The following CARD9 variants were observed in gnomAD, a reference collection of about 807,000 sequenced individuals.
CARD9 encodes the protein caspase recruitment domain-containing protein 9.
CARD9 carries 53 observed loss-of-function variants against 66.0 expected under a neutral mutation model. The ratio of observed to expected loss-of-function variants is 0.80; its 90% CI spans 0.64 to 1.01. CARD9 has a LOEUF of 1.01. Among genes scored for constraint, CARD9 ranks in the 50% least tolerant of loss-of-function variants. The pLI, the probability that CARD9 is intolerant of heterozygous loss-of-function variation, is 0.00. For missense variants in CARD9, 769 were observed against 743.2 expected (o/e 1.03, Z -0.40); for synonymous variants, 387 against 313.8 (o/e 1.23, Z -2.47).
chr9:136,365,348 G>T, intron 10 of CARD9, 131 bp from the exon 11 acceptor site: 1 of 801,648 alleles, frequency 1.2e-6, no homozygotes, highest in Non-Finnish European at 2.1e-6. Context: ...CATGGGTCCA[G>T]TGTAGACTCT....
At chr9:136,366,625 T>G (rs1161718540) in intron 10 of CARD9, 175 bp downstream of exon 10, 2 of 705,686 alleles carry the variant, frequency 2.8e-6, no homozygotes, top group African/African-American at 3.5e-5. Context: ...GCTCTGTAGT[T>G]TGTTCTCTAG....
intron 11 of CARD9, 141 bp from the exon 12 acceptor site, chr9:136,364,700 T>C (rs961304855): frequency 1.7e-5 from 14 of 812,352 alleles, no homozygotes; most frequent in Admixed American, 1.6e-4. Flanking sequence ...CGCCAAGCTC[T>C]CCCTGTGGGA....
intron 7 of CARD9, among the ~76,000 whole-genome samples, chr9:136,368,466 G>A (rs1426437250): frequency 6.6e-6 from 1 of 152,226 alleles, no homozygotes; most frequent in Non-Finnish European, 1.5e-5. Context: ...GCTGAGGTGG[G>A]GCTGAGACAG....
intron 11 of CARD9, chr9:136,364,863 T>C: frequency 1.7e-6 from 1 of 595,104 alleles, no homozygotes; most frequent in Non-Finnish European, 3.0e-6. Flanking sequence ...AGGACTCCTG[T>C]GTTCACCTCC....
In CARD9 at chr9:136,370,551, G is replaced by A. The variant is rs148681933; in HGVS notation, c.778C>T (p.Arg260Trp). ...LQQEKALLQARVQELEASVQE... is the reference protein window; with the variant it reads ...LQQEKALLQAWVQELEASVQE... Reference sequence around the variant, plus strand: ...ACGGAGGCCTCCAGCTCCTGCACCCGGGCCTGGAGCAGGGCCTTCTCCTGC... The same window carrying A: ...ACGGAGGCCTCCAGCTCCTGCACCCAGGCCTGGAGCAGGGCCTTCTCCTGC... The change falls in exon 5 of 13, where the codon CGG becomes TGG. Residue 260 changes from arginine to tryptophan, a missense_variant. Coordinates refer to ENST00000371732, the MANE Select transcript of CARD9 (RefSeq NM_052813.5). The A allele has an allele frequency of 2.1e-5, 34 of 1,606,560 alleles. No homozygotes were observed. The highest frequency in any genetic ancestry group is 1.0e-4 in the South Asian group (9 of 90,434).
chr9:136,364,087 G>A lies in CARD9; in HGVS notation c.*215C>T, dbSNP rs1319724097. 6.5e-7 allele frequency: 1 copy of A among 1,550,296 alleles called. No homozygotes were observed. The highest frequency in any genetic ancestry group is 8.7e-7 in the Non-Finnish European group (1 of 1,146,686). On this transcript the variant is annotated 3_prime_UTR_variant, in exon 13 of 13. Transcript: ENST00000371732. ...ACACAGATGGCGTGTGCATGGGGGTGGTGAGCACCCGCATGGCCTCCGCAA... is the reference window on the plus strand; with the variant it reads ...ACACAGATGGCGTGTGCATGGGGGTAGTGAGCACCCGCATGGCCTCCGCAA...
intron 10 of CARD9, 156 bp from the exon 11 acceptor site, chr9:136,365,373 AGACTGAGGCCTTATG>A (rs1833098646): frequency 4.4e-6 from 3 of 681,186 alleles, no homozygotes; most frequent in Non-Finnish European, 7.6e-6. Context: ...TCTGTAGATG[AGACTGAGGCCTTATG>A]GCCTCGCTTG....
intron 2 of CARD9, 99 bp from the exon 3 acceptor site, chr9:136,371,560 A>G: frequency 6.7e-7 from 1 of 1,493,982 alleles, no homozygotes; most frequent in Non-Finnish European, 9.0e-7. Flanking sequence ...GCTGGCATGC[A>G]GATGAGGTGT....
rs377431254 is a variant in CARD9, at chr9:136,372,042, C to T, written c.37G>A (p.Val13Ile). 13 of 1,612,664 alleles carry T rather than the reference C, an allele frequency of 8.1e-6. No homozygotes were observed. The highest frequency in any genetic ancestry group is 2.2e-5 in the East Asian group (1 of 44,888). Residue 13 changes from valine (V) to isoleucine (I), a missense_variant, in exon 2 of 13, where the codon GTC (valine) becomes ATC (isoleucine). By Grantham distance (29) the Val-to-Ile change is conservative. Transcript: ENST00000371732. ...DYENDDECWS[V>I]LEGFRVTLTS... ...AGCGTCACCCGGAAGCCCTCCAGGACGCTCCAGCACTCGTCATCGTTCTCG... is the reference window on the plus strand; with the variant it reads ...AGCGTCACCCGGAAGCCCTCCAGGATGCTCCAGCACTCGTCATCGTTCTCG...
In CARD9 at chr9:136,371,036, G is replaced by A. The variant is rs1274150394; in HGVS notation, c.432C>T (p.Ile144=). The A allele has an allele frequency of 1.2e-6, 2 of 1,612,288 alleles. No individual in the cohort carries two copies. The highest frequency in any genetic ancestry group is 1.7e-6 in the Non-Finnish European group (2 of 1,179,822). Residue 144 remains isoleucine, a synonymous_variant, in exon 4 of 13, where the codon ATC becomes ATT. Transcript: ENST00000371732. ...GGCTGTCCTTCACCCGCAGCTCCTT[G>A]ATGAAGTCATCTTTGGAGCTCAGCA... ...TALLSSKDDF[I]KELRVKDSLL... is the part of the protein sequence containing the mutation.
Position 136,367,959 on chromosome 9 carries a change from C to T in CARD9, c.1078-131G>A. The T allele has an allele frequency of 2.8e-6, 4 of 1,441,910 alleles. No individual in the cohort carries two copies. In the South Asian group the frequency reaches 4.3e-5, roughly 16 times the overall value. The allele number at this position is 1,441,910 out of a possible 1,614,324, so 89.3% of individuals were successfully genotyped here. On this transcript the variant is annotated intron_variant, in intron 7 of 12. Coordinates refer to ENST00000371732, the MANE Select transcript of CARD9 (RefSeq NM_052813.5). ...CGCTGGGCGCGGAGGCTGGTCACAG[C>T]CCCTCCATTTGTGTGCTCTGCGGAC...
rs2131441744 is a variant in CARD9 at position 136,369,769 on chromosome 9, ACCT to A, written c.1055_1057del (p.Glu352del). 6.2e-7 allele frequency: 1 copy of A among 1,607,490 alleles called. No individual in the cohort carries two copies. Among genetic ancestry groups the A allele is most frequent in the Non-Finnish European group, 8.5e-7 (1 of 1,177,726 alleles). Reference sequence around the variant, plus strand: ...GCCCACCTGGTCCCGCTCAATGGCGACCTCCTCCATCTGCAGCAGGATGGCCTC... The same window carrying A: ...GCCCACCTGGTCCCGCTCAATGGCGACCTCCATCTGCAGCAGGATGGCCTC... On this transcript the variant is annotated inframe_deletion, in exon 7 of 13. Transcript: ENST00000371732.
chr9:136,364,247 G>A lies in CARD9; in HGVS notation c.*55C>T. The A allele has an allele frequency of 6.4e-7, 1 of 1,550,434 alleles. No homozygotes were observed. The highest frequency in any genetic ancestry group is 2.0e-5 in the Admixed American group (1 of 50,994). On this transcript the variant is annotated 3_prime_UTR_variant, in exon 13 of 13. Coordinates refer to ENST00000371732, the MANE Select transcript of CARD9 (RefSeq NM_052813.5). ...CGCCCCAGGGCGTCGGCACCCCCGG[G>A]TGGCAGGAGGCCGGGCCGGTGGGTG...
Position 136,366,702 on chromosome 9 carries a change from G to C in CARD9, c.1357+98C>G, listed in dbSNP as rs528237659. The C allele has an allele frequency of 5.3e-6, 7 of 1,308,722 alleles. No homozygotes were observed. The East Asian group carries it at 1.4e-4, about 26-fold the overall frequency. 81.1% of individuals were successfully genotyped at this position (1,308,722 alleles called of 1,614,324 possible). A position where few individuals can be genotyped will look rare whatever the true frequency, so the allele number is the denominator to read the frequency against. On this transcript the variant is annotated intron_variant, in intron 10 of 12. Coordinates refer to ENST00000371732, the MANE Select transcript of CARD9 (RefSeq NM_052813.5). ...TGTCTGTGGAGTGGGGGTTGTGGGG[G>C]TTGACACAGGCATTGCGGCACGGGC...
intron 10 of CARD9, 193 bp from the exon 11 acceptor site, chr9:136,365,410 C>T (rs539622135): frequency 1.6e-4 from 98 of 597,238 alleles, no homozygotes; most frequent in Non-Finnish European, 2.8e-4. Context: ...CTGTTCATTG[C>T]TCCAGGAGGC....
In CARD9 at chr9:136,364,530, G is replaced by A. The variant is rs765637340; in HGVS notation, c.1464C>T (p.Pro488=). The change falls in exon 12 of 13, where the codon CCC becomes CCT. Residue 488 remains proline, a synonymous_variant. Transcript: ENST00000371732. ...CTTTGAGGCGCCGCCGCTCCTTCTCGGGCGGCTCCCCGCTGCTCAGGCCTG... is the reference window on the plus strand; with the variant it reads ...CTTTGAGGCGCCGCCGCTCCTTCTCAGGCGGCTCCCCGCTGCTCAGGCCTG... ...HDAGLSSGEP[P]EKERRRLKES... 1.3e-6 allele frequency: 2 copies of A among 1,539,004 alleles called. No individual in the cohort carries two copies. Among genetic ancestry groups the A allele is most frequent in the South Asian group, 1.2e-5 (1 of 83,988 alleles).
intron 7 of CARD9, among the ~76,000 whole-genome samples, chr9:136,369,293 C>G (rs1310275148): frequency 6.6e-6 from 1 of 152,076 alleles, no homozygotes; most frequent in African/African-American, 2.4e-5. Context: ...ACTGGTAAAA[C>G]AAGACAGAAT....
intron 4 of CARD9, 54 bp from the exon 5 acceptor site, chr9:136,370,755 C>T (rs770079443): frequency 1.2e-5 from 19 of 1,610,430 alleles, no homozygotes; most frequent in Admixed American, 1.0e-4. Flanking sequence ...ACCGCAGACC[C>T]GTGGGGCCAC....
At chr9:136,371,566 G>A (rs1833275965) in intron 2 of CARD9, 105 bp from the exon 3 acceptor site, 2 of 1,475,444 alleles carry the variant, frequency 1.4e-6, no homozygotes, top group African/African-American at 2.8e-5. Flanking sequence ...ATGCAGATGA[G>A]GTGTGCCGTG....
Sources: allele counts gnomAD v4.1 joint callset (sites outside exome capture counted in the v4.1 genomes callset), GRCh38; gene constraint gnomAD v4.1.1; transcripts MANE v1.5; gene names NCBI Gene and HGNC (gene_info 2026-07-23, HGNC 2026-07-21).